The following CRACD variants were observed in gnomAD, a reference collection of about 807,000 sequenced individuals.
CRACD encodes the protein capping protein inhibiting regulator of actin dynamics.
In CRACD, 56 loss-of-function variants were observed where a neutral mutation model predicts 106.8. The ratio of observed to expected loss-of-function variants is 0.52; its 90% CI spans 0.42 to 0.66. The LOEUF is 0.66. Ranked by LOEUF, CRACD falls within the 30% of genes least tolerant of loss-of-function variation. The pLI is 0.00. For synonymous variants in CRACD, 754 were observed against 670.8 expected (o/e 1.12, Z -1.92); for missense variants, 1,730 against 1,623.2 (o/e 1.07, Z -1.13).
chr4:56,164,491 A>G (rs1042367010), intron 1 of CRACD, among the ~76,000 whole-genome samples: 10 of 152,234 alleles, frequency 6.6e-5, no homozygotes, highest in African/African-American at 2.4e-4. Context: ...AAAGTGAGCT[A>G]CTGATACGTG....
At chr4:56,057,622 TG>T (rs1187523083) in intron 1 of CRACD, among the ~76,000 whole-genome samples, 1 of 136,294 alleles carries the variant, frequency 7.3e-6, no homozygotes, top group Non-Finnish European at 1.5e-5. Context: ...TCAGATAGGT[TG>T]GGTTTTTTTT....
intron 1 of CRACD, among the ~76,000 whole-genome samples, chr4:56,171,264 T>TAA (rs75694991): frequency 1.8e-5 from 2 of 113,274 alleles, no homozygotes; most frequent in Admixed American, 8.6e-5. Flanking sequence ...TAAAGTATAA[T>TAA]AAAAAAAAAA....
At chr4:56,122,457 A>G (rs951843711) in intron 1 of CRACD, among the ~76,000 whole-genome samples, 13 of 152,198 alleles carry the variant, frequency 8.5e-5, no homozygotes, top group African/African-American at 2.9e-4. Context: ...CTGTACCTGG[A>G]CAGCATACTT....
chr4:56,309,683 A>G (rs1744998190), intron 5 of CRACD, among the ~76,000 whole-genome samples: 1 of 152,046 alleles, frequency 6.6e-6, no homozygotes, highest in African/African-American at 2.4e-5. Flanking sequence ...GTGAAACCCC[A>G]TCTCTACTAA....
intron 2 of CRACD, among the ~76,000 whole-genome samples, chr4:56,262,367 G>A (rs779220348): frequency 6.6e-6 from 1 of 152,148 alleles, no homozygotes; most frequent in Non-Finnish European, 1.5e-5. Flanking sequence ...TACACACTTC[G>A]GTTCAGCTGG....
In CRACD at chr4:56,310,750, C is replaced by A; in HGVS notation, c.354+16C>A. 1.3e-6 allele frequency: 2 copies of A among 1,553,154 alleles called. No homozygotes were observed. The highest frequency in any genetic ancestry group is 1.8e-6 in the Non-Finnish European group (2 of 1,125,420). On this transcript the variant is annotated intron_variant, in intron 6 of 10. Transcript: ENST00000682029. The stretch of plus-strand genomic sequence containing the variant: ...GGAAGAGAAGGTAATATGATTTGAA[C>A]TTATTTATTTGGCTTCTTTCCTTAC...
chr4:56,136,291 C>CTG (rs1179925411), intron 1 of CRACD, among the ~76,000 whole-genome samples: 1 of 151,994 alleles, frequency 6.6e-6, no homozygotes, highest in Non-Finnish European at 1.5e-5. Context: ...AGTGAAATGG[C>CTG]TGTGTGTGTG....
chr4:56,118,071 T>C (rs968880708), intron 1 of CRACD, among the ~76,000 whole-genome samples: 1 of 152,204 alleles, frequency 6.6e-6, no homozygotes, highest in Admixed American at 6.5e-5. Context: ...TTTATGAATA[T>C]TAAAACTGCT....
intron 1 of CRACD, among the ~76,000 whole-genome samples, chr4:56,061,565 G>T (rs1208166100): frequency 6.6e-6 from 1 of 152,056 alleles, no homozygotes; most frequent in Non-Finnish European, 1.5e-5. Context: ...CACTCTGCAT[G>T]AGGCACTGTC....
At chr4:56,110,253 G>A (rs1281412723) in intron 1 of CRACD, among the ~76,000 whole-genome samples, 1 of 152,174 alleles carries the variant, frequency 6.6e-6, no homozygotes, top group Admixed American at 6.5e-5. Context: ...GTTTTCAACC[G>A]AAAATTCTGT....
chr4:56,222,403 G>T (rs28610144), intron 2 of CRACD, among the ~76,000 whole-genome samples: 52,941 of 151,826 alleles, frequency 0.35, 9,215 homozygotes, highest in South Asian at 0.44. Context: ...GAGAGTGGGA[G>T]GGAAGTGAAG....
chr4:56,148,792 G>A (rs998647481), intron 1 of CRACD, among the ~76,000 whole-genome samples: 3 of 151,372 alleles, frequency 2.0e-5, no homozygotes, highest in African/African-American at 7.3e-5. Flanking sequence ...TTCAACTGTA[G>A]TGATGTTTAT....
At chr4:56,208,066 G>A (rs1577740881) in intron 2 of CRACD, among the ~76,000 whole-genome samples, 1 of 150,974 alleles carries the variant, frequency 6.6e-6, no homozygotes, top group African/African-American at 2.4e-5. Flanking sequence ...TTCCTGCCTC[G>A]GCCTCCCAAA....
intron 1 of CRACD, among the ~76,000 whole-genome samples, chr4:56,164,668 C>T (rs1340979819): frequency 2.0e-5 from 3 of 151,896 alleles, no homozygotes; most frequent in Non-Finnish European, 4.4e-5. Context: ...AGGATGGGAT[C>T]GACTACAGAA....
intron 1 of CRACD, among the ~76,000 whole-genome samples, chr4:56,164,046 T>G (rs1047004937): frequency 2.6e-5 from 4 of 151,146 alleles, no homozygotes; most frequent in African/African-American, 9.7e-5. Flanking sequence ...TGCCTGACCT[T>G]TGTATCTAAT....
rs60141459 is a variant in CRACD, at chr4:56,188,659, T to TTC, written c.-189+9256_-189+9257dup. On this transcript the variant is annotated intron_variant, in intron 2 of 10. Coordinates refer to ENST00000682029, the MANE Select transcript of CRACD (RefSeq NM_001393381.1). Reference sequence around the variant, plus strand: ...TCTCTCTCTCTCTCTATCTCTCTATTTCTCTCTCTCTCTCTCTCTCTCTCT... The same window carrying TTC: ...TCTCTCTCTCTCTCTATCTCTCTATTTCTCTCTCTCTCTCTCTCTCTCTCTCT... Among the ~76,000 whole-genome samples, 760 of 83,748 alleles carry TTC rather than the reference T, an allele frequency of 9.1e-3. 6 individuals carry two copies. The highest frequency in any genetic ancestry group is 0.018 in the Admixed American group (133 of 7,520). 54.9% of individuals were successfully genotyped at this position (83,748 alleles called of 152,430 possible). A position where few individuals can be genotyped will look rare whatever the true frequency, so the allele number is the denominator to read the frequency against.
chr4:56,057,888 G>A (rs1182917897), intron 1 of CRACD, among the ~76,000 whole-genome samples: 2 of 99,970 alleles, frequency 2.0e-5, no homozygotes, highest in African/African-American at 5.5e-5. Context: ...GCGCGATCTC[G>A]GCTCACTGCA....
At chr4:56,112,578 C>T (rs1220858036) in intron 1 of CRACD, among the ~76,000 whole-genome samples, 2 of 152,126 alleles carry the variant, frequency 1.3e-5, no homozygotes, top group African/African-American at 4.8e-5. Flanking sequence ...ACAAAGAACA[C>T]CATTCAGTTC....
intron 1 of CRACD, among the ~76,000 whole-genome samples, chr4:56,079,450 C>CTT (rs112556427): frequency 1.4e-5 from 2 of 142,444 alleles, no homozygotes; most frequent in African/African-American, 2.6e-5. Flanking sequence ...TTCTTCTTTT[C>CTT]TTTTTTTTTT....
Sources: gnomAD v4.1 joint callset for allele counts (sites outside exome capture counted in the v4.1 genomes callset) on GRCh38, gnomAD v4.1.1 for gene constraint, MANE v1.5 for transcripts, NCBI Gene and HGNC (gene_info 2026-07-23, HGNC 2026-07-21) for gene names.